TBC1D1: variants seen among roughly 807,000 people sequenced by gnomAD.
TBC1D1 encodes the protein TBC1 (tre-2/USP6, BUB2, cdc16) domain family, member 1.
A neutral mutation model predicts 125.6 loss-of-function variants in TBC1D1; 89 were observed. That is an observed-to-expected ratio of 0.71 (90% CI 0.60 to 0.85). TBC1D1 has a LOEUF of 0.85. TBC1D1 is among the 40% of genes least tolerant of loss of function. The probability of loss-of-function intolerance (pLI) is 0.00; values close to 1 mark genes in which losing one functional copy is unlikely to be tolerated. For synonymous variants in TBC1D1, 565 were observed against 564.1 expected, an observed-to-expected ratio of 1.00 and a Z score of -0.02; for missense variants, 1,377 against 1,469.2, an observed-to-expected ratio of 0.94 and a Z score of 1.03.
intron 2 of TBC1D1, among the ~76,000 whole-genome samples, chr4:38,011,157 G>C (rs562046900): frequency 2.0e-5 from 3 of 152,104 alleles, no homozygotes; most frequent in Non-Finnish European, 4.4e-5. Flanking sequence ...TTCAAGACCA[G>C]CCTGACCGAC....
intron 2 of TBC1D1, among the ~76,000 whole-genome samples, chr4:37,979,736 G>A (rs780041457): frequency 1.1e-4 from 16 of 152,166 alleles, no homozygotes; most frequent in Non-Finnish European, 1.8e-4. Flanking sequence ...GAGAAGGGGT[G>A]GGTGTCGGTT....
chr4:37,910,450 G>A (rs1718344413), intron 2 of TBC1D1, among the ~76,000 whole-genome samples: 1 of 152,164 alleles, frequency 6.6e-6, no homozygotes, highest in South Asian at 2.1e-4. Context: ...ATTACATGTT[G>A]AAATAATATT....
intron 19 of TBC1D1, 78 bp downstream of exon 21, chr4:38,133,335 C>T: frequency 7.2e-7 from 1 of 1,393,618 alleles, no homozygotes; most frequent in Non-Finnish European, 9.9e-7. Flanking sequence ...CAACAGCAGG[C>T]TGGGCTTTCC....
chr4:38,122,378 C>T (rs996038661), intron 17 of TBC1D1, among the ~76,000 whole-genome samples: 5 of 152,212 alleles, frequency 3.3e-5, no homozygotes, highest in African/African-American at 9.6e-5. Context: ...TCTGGACCTG[C>T]GTGCCCCCAT....
intron 18 of TBC1D1, among the ~76,000 whole-genome samples, chr4:38,132,167 G>A (rs1460944679): frequency 2.6e-5 from 4 of 151,352 alleles, no homozygotes; most frequent in Non-Finnish European, 5.9e-5. Context: ...TTCTGAATGT[G>A]TGTTCTGATC....
At chr4:37,964,976 T>C (rs1275663484) in intron 2 of TBC1D1, among the ~76,000 whole-genome samples, 1 of 152,238 alleles carries the variant, frequency 6.6e-6, no homozygotes, top group African/African-American at 2.4e-5. Context: ...TCTTAGAGCA[T>C]GAAGCCCTGT....
At chr4:38,090,187 T>G in intron 13 of TBC1D1, 70 bp downstream of exon 15, 16 of 1,459,482 alleles carry the variant, frequency 1.1e-5, no homozygotes, top group Non-Finnish European at 1.5e-5. Context: ...ACATCAGACA[T>G]AAGCATGCTG....
chr4:38,047,110 C>A (rs115697677), intron 10 of TBC1D1, among the ~76,000 whole-genome samples: 1,540 of 152,312 alleles, frequency 0.01, 12 homozygotes, highest in South Asian at 0.018. Flanking sequence ...ACATACAATA[C>A]ATACTGATAT....
chr4:37,982,411 G>A (rs1734512819), intron 2 of TBC1D1, among the ~76,000 whole-genome samples: 1 of 152,142 alleles, frequency 6.6e-6, no homozygotes, highest in South Asian at 2.1e-4. Context: ...GGATGCTTGA[G>A]TTTAATAAGG....
chr4:38,078,119 A>C (rs1462789592), intron 12 of TBC1D1, among the ~76,000 whole-genome samples: 1 of 152,196 alleles, frequency 6.6e-6, no homozygotes, highest in Non-Finnish European at 1.5e-5. Context: ...AAGTGCTGTG[A>C]ATTCAAAAGA....
intron 7 of TBC1D1, among the ~76,000 whole-genome samples, chr4:38,028,385 C>T (rs531605470): frequency 2.6e-5 from 4 of 152,260 alleles, no homozygotes; most frequent in African/African-American, 9.6e-5. Flanking sequence ...AGGCTGTTCT[C>T]GAACTCCTGA....
At chr4:38,031,147 C>A (rs1269687906) in intron 7 of TBC1D1, among the ~76,000 whole-genome samples, 4 of 152,212 alleles carry the variant, frequency 2.6e-5, no homozygotes, top group Non-Finnish European at 1.5e-5. Flanking sequence ...CCAAACTGAT[C>A]ATCTCAGGAT....
At chr4:38,032,045 G>A (rs189792401) in intron 7 of TBC1D1, among the ~76,000 whole-genome samples, 13 of 152,296 alleles carry the variant, frequency 8.5e-5, no homozygotes, top group African/African-American at 2.9e-4. Flanking sequence ...CTGGCCAGGC[G>A]CGGTGGCTCA....
chr4:37,973,601 T>C (rs1372985861), intron 2 of TBC1D1, among the ~76,000 whole-genome samples: 1 of 152,148 alleles, frequency 6.6e-6, no homozygotes, highest in Non-Finnish European at 1.5e-5. Flanking sequence ...GTTGGAGTGA[T>C]GGAGTATGAT....
rs114039368 is a variant in TBC1D1 at position 38,057,791 on chromosome 4, C to T, written c.2050+3453C>T. ...CATTTTACAGGTGGGTGAGTGGAGG[C>T]TGGGAGTGGCTTAAATCACTTTCCC... On this transcript the variant is annotated intron_variant, in intron 12 of 19. Coordinates refer to ENST00000261439, the MANE Select transcript of TBC1D1 (RefSeq NM_015173.4). 8.9e-3 allele frequency among the ~76,000 whole-genome samples: 1,355 copies of T among 152,282 alleles called. 21 individuals are homozygous for T. The highest frequency in any genetic ancestry group is 0.031 in the African/African-American group (1,289 of 41,550).
chr4:38,007,695 A>G (rs1007984358), intron 2 of TBC1D1, among the ~76,000 whole-genome samples: 2 of 152,268 alleles, frequency 1.3e-5, no homozygotes, highest in East Asian at 3.9e-4. Flanking sequence ...CCCTCTGTCT[A>G]GACAGATTCA....
chr4:37,968,030 A>G (rs1362747684), intron 2 of TBC1D1, among the ~76,000 whole-genome samples: 2 of 152,250 alleles, frequency 1.3e-5, no homozygotes, highest in African/African-American at 4.8e-5. Flanking sequence ...GGAATGTCTT[A>G]CAAGCTAAAA....
At chr4:37,990,773 G>T (rs1222234949) in intron 2 of TBC1D1, among the ~76,000 whole-genome samples, 1 of 152,118 alleles carries the variant, frequency 6.6e-6, no homozygotes, top group Non-Finnish European at 1.5e-5. Flanking sequence ...TTTGATTTTT[G>T]TCAATTCTCT....
rs569564881 is a variant in TBC1D1 at position 38,132,708 on chromosome 4, AC to A, written c.3133-373del. The A allele has an allele frequency of 2.4e-4, 40 of 169,514 alleles. No individual in the cohort carries two copies. In the East Asian group the frequency reaches 7.5e-3, roughly 32 times the overall value. The allele number at this position is 169,514 out of a possible 1,614,324, so 10.5% of individuals were successfully genotyped here. A position where few individuals can be genotyped will look rare whatever the true frequency, so the allele number is the denominator to read the frequency against. On this transcript the variant is annotated intron_variant, in intron 18 of 19. Transcript: ENST00000261439. Reference sequence around the variant, plus strand: ...TTCTTTTGTTTCTTTTCTCCTTTTAACCCATAGTTGATGTATCTAACCTAAC... The same window carrying A: ...TTCTTTTGTTTCTTTTCTCCTTTTAACCATAGTTGATGTATCTAACCTAAC...
Sources: allele counts gnomAD v4.1 joint callset (sites outside exome capture counted in the v4.1 genomes callset), GRCh38; gene constraint gnomAD v4.1.1; transcripts MANE v1.5; gene names NCBI Gene and HGNC (gene_info 2026-07-23, HGNC 2026-07-21).